Variants in MRM3 observed in about 807,000 individuals in gnomAD.
MRM3 encodes the protein rRNA methyltransferase 3, mitochondrial.
Under a neutral mutation model 29.4 loss-of-function variants are expected in MRM3, and 26 were observed. The observed-to-expected ratio is 0.89, with a 90% CI of 0.65 to 1.23. MRM3 has a LOEUF of 1.23. Ranked by LOEUF, MRM3 falls within the 50% of genes most tolerant of loss-of-function variation. The probability of loss-of-function intolerance (pLI) is 0.00; values close to 1 mark genes in which losing one functional copy is unlikely to be tolerated. For missense variants in MRM3, 578 were observed against 540.2 expected (o/e 1.07, Z -0.69); for synonymous variants, 225 against 219.0 (o/e 1.03, Z -0.24).
rs542816952 is a variant in MRM3 at position 791,733 on chromosome 17, T to G, written c.927T>G (p.Cys309Trp). 51 of 1,614,050 alleles carry G rather than the reference T, an allele frequency of 3.2e-5. No individual in the cohort carries two copies. The highest frequency in any genetic ancestry group is 3.7e-5 in the Non-Finnish European group (44 of 1,180,046). The change falls in exon 4 of 4, where the codon TGT becomes TGG. Residue 309 changes from cysteine to tryptophan, a missense_variant. Transcript: ENST00000304478. ...SNKASDHGWV[C>W]DQRVMKFHKY... ...AAGCTAGTGACCATGGCTGGGTGTG[T>G]GATCAACGAGTGATGAAGTTTCACA...
At chr17:783,049 G>T (rs1245235320) in intron 1 of MRM3, 34 bp from the exon 2 acceptor site, 11 of 1,531,174 alleles carry the variant, frequency 7.2e-6, no homozygotes, top group Non-Finnish European at 9.6e-6. Context: ...GATGTTGATA[G>T]TTACCTGTTT....
intron 3 of MRM3, 62 bp from the exon 4 acceptor site, chr17:791,472 T>A (rs895600503): frequency 6.5e-7 from 1 of 1,534,270 alleles, no homozygotes; most frequent in Non-Finnish European, 8.8e-7. Context: ...TCAGACTTAC[T>A]CCACAGTCCC....
intron 2 of MRM3, among the ~76,000 whole-genome samples, chr17:785,452 TA>T (rs1910490353): frequency 6.6e-6 from 1 of 152,318 alleles, no homozygotes; most frequent in South Asian, 2.1e-4. Context: ...GATCATTAAA[TA>T]AGGAGAGAAT....
At chr17:789,125 A>C (rs1331326297) in intron 3 of MRM3, among the ~76,000 whole-genome samples, 2 of 152,198 alleles carry the variant, frequency 1.3e-5, no homozygotes, top group South Asian at 4.1e-4. Context: ...ATACCCAGCC[A>C]TGTTTATTAT....
At position 787,608 on chromosome 17, in the gene MRM3, G is replaced by T. The variant is rs1349349842; in HGVS notation, c.560-357G>T. Among the ~76,000 whole-genome samples, 1 of 152,080 alleles carries T rather than the reference G, an allele frequency of 6.6e-6. No individual in the cohort carries two copies. Among genetic ancestry groups the T allele is most frequent in the Admixed American group, 6.5e-5 (1 of 15,276 alleles). Reference sequence around the variant, plus strand: ...GTGTCGCCCAGGCTGGAGTGCAGTGGCGTGATCTTGGCTCACCACAACCTC... The same window carrying T: ...GTGTCGCCCAGGCTGGAGTGCAGTGTCGTGATCTTGGCTCACCACAACCTC... On this transcript the variant is annotated intron_variant, in intron 2 of 3. Coordinates refer to ENST00000304478, the MANE Select transcript of MRM3 (RefSeq NM_018146.4). This position sits in a 1 kb window ranked among gnomAD's most constrained non-coding sequence, Gnocchi z 4.1.
chr17:784,998 TTTCA>T (rs1285449839), intron 2 of MRM3, among the ~76,000 whole-genome samples: 2 of 152,254 alleles, frequency 1.3e-5, no homozygotes, highest in Non-Finnish European at 2.9e-5. Flanking sequence ...ACAAGTACTA[TTTCA>T]TTCATCTCCT....
In MRM3 at chr17:791,611, C is replaced by G. The variant is rs144627268; in HGVS notation, c.805C>G (p.Leu269Val). The part of the protein sequence containing the change: ...AHFRMPIINN[L>V]EWETVPNYLP... ...TTTCCGGATGCCCATTATCAATAAT[C>G]TGGAATGGGAAACCGTGCCCAATTA... Residue 269 changes from leucine to valine, a missense_variant, in exon 4 of 4, where the codon CTG becomes GTG. Transcript: ENST00000304478. The G allele has an allele frequency of 2.3e-5, 37 of 1,614,112 alleles. No individual in the cohort carries two copies. Among genetic ancestry groups the G allele is most frequent in the Non-Finnish European group, 3.0e-5 (35 of 1,180,056 alleles).
rs866701497 is a variant in MRM3 at position 791,599 on chromosome 17, A to C, written c.793A>C (p.Ile265Leu). 16 of 1,614,078 alleles carry C rather than the reference A, an allele frequency of 9.9e-6. No individual in the cohort carries two copies. In the Middle Eastern group the frequency reaches 4.9e-4, roughly 50 times the overall value. ...TATGGGCGCACATTTCCGGATGCCCATTATCAATAATCTGGAATGGGAAAC... is the reference window on the plus strand; with the variant it reads ...TATGGGCGCACATTTCCGGATGCCCCTTATCAATAATCTGGAATGGGAAAC... ...AGMGAHFRMP[I>L]INNLEWETVP... is the part of the protein sequence containing the mutation. The change falls in exon 4 of 4, where the codon ATT becomes CTT. Residue 265 changes from isoleucine (I) to leucine (L), a missense_variant. Physicochemically the swap from Ile to Leu is conservative, Grantham distance 5. Coordinates refer to ENST00000304478, the MANE Select transcript of MRM3 (RefSeq NM_018146.4).
chr17:786,086 G>A (rs933312549), intron 2 of MRM3, among the ~76,000 whole-genome samples: 1 of 152,152 alleles, frequency 6.6e-6, no homozygotes, highest in East Asian at 1.9e-4. Context: ...GGTTTGAGCT[G>A]GAAAACAGGT....
chr17:785,006 A>G (rs1448068124), intron 2 of MRM3, among the ~76,000 whole-genome samples: 1 of 152,220 alleles, frequency 6.6e-6, no homozygotes. Context: ...TATTTCATTC[A>G]TCTCCTGACT....
Position 782,637 on chromosome 17 carries a change from T to C in MRM3, c.259T>C (p.Trp87Arg). 6.2e-7 allele frequency: 1 copy of C among 1,613,664 alleles called. No homozygotes were observed. Residue 87 changes from tryptophan (W) to arginine (R), a missense_variant, in exon 1 of 4, where the codon TGG (tryptophan) becomes CGG (arginine). Physicochemically the swap from Trp to Arg is moderately radical, Grantham distance 101 (BLOSUM62 -3). Transcript: ENST00000304478. The stretch of plus-strand genomic sequence containing the variant: ...GTCCGCATCCCGCGCTCCCAGCACC[T>C]GGGAAGAGTCTGGGCTTCGCTACGA... ...EESASRAPSTWEESGLRYDKA... is the reference protein window; with the variant it reads ...EESASRAPSTREESGLRYDKA...
rs1266617049 is a variant in MRM3 at position 788,009 on chromosome 17, A to G, written c.604A>G (p.Thr202Ala). Residue 202 changes from threonine (T) to alanine (A), a missense_variant, in exon 3 of 4, where the codon ACT (threonine) becomes GCT (alanine). By Grantham distance (58) the Thr-to-Ala change is moderately conservative. Transcript: ENST00000304478. Reference protein sequence around the residue: ...PDHVKMTYPKTQLQHSLPLLL... With the variant: ...PDHVKMTYPKAQLQHSLPLLL... ...CCATGTTAAGATGACATATCCAAAG[A>G]CTCAGCTTCAGCATTCACTGCCTTT... 2 of 1,613,952 alleles carry G rather than the reference A, an allele frequency of 1.2e-6. No individual in the cohort carries two copies. The highest frequency in any genetic ancestry group is 1.7e-6 in the Non-Finnish European group (2 of 1,180,028).
At position 782,531 on chromosome 17, in the gene MRM3, G is replaced by A. The variant is rs1436408670; in HGVS notation, c.153G>A (p.Lys51=). 1 of 1,613,650 alleles carries A rather than the reference G, an allele frequency of 6.2e-7. No individual in the cohort carries two copies. The highest frequency in any genetic ancestry group is 8.5e-7 in the Non-Finnish European group (1 of 1,179,594). ...VFPSGEVVEQ[K]RAPGKQPRKA... is the part of the protein sequence containing the mutation. ...CTTCCGGAGAGGTGGTGGAACAGAA[G>A]CGCGCTCCTGGGAAGCAGCCCCGCA... is the stretch of plus-strand genomic sequence containing the variant. Residue 51 remains lysine, a synonymous_variant, in exon 1 of 4, where the codon AAG becomes AAA. Coordinates refer to ENST00000304478, the MANE Select transcript of MRM3 (RefSeq NM_018146.4).
intron 3 of MRM3, among the ~76,000 whole-genome samples, chr17:788,452 G>T (rs950559699): frequency 6.7e-6 from 1 of 149,338 alleles, no homozygotes; most frequent in South Asian, 2.1e-4. Flanking sequence ...TAATAAACCA[G>T]GTGGATTAGT....
chr17:786,513 G>A (rs1308215807), intron 2 of MRM3, among the ~76,000 whole-genome samples: 1 of 152,018 alleles, frequency 6.6e-6, no homozygotes, highest in East Asian at 1.9e-4. Flanking sequence ...CTAACCTCAT[G>A]ATCCGCCCAC....
chr17:783,229 A>C lies in MRM3; in HGVS notation c.461A>C (p.Glu154Ala). 2.5e-6 allele frequency: 4 copies of C among 1,614,064 alleles called. No individual in the cohort carries two copies. The highest frequency in any genetic ancestry group is 8.5e-7 in the Non-Finnish European group (1 of 1,179,998). Residue 154 changes from glutamate (E) to alanine (A), a missense_variant, in exon 2 of 4, where the codon GAG becomes GCG. Transcript: ENST00000304478. ...FFFSRLEYLK[E>A]LPVDKLKGVS... ...TTTAGCCGTCTAGAATACCTAAAGGAGTTGCCAGTCGATAAGCTGAAAGGT... is the reference window on the plus strand; with the variant it reads ...TTTAGCCGTCTAGAATACCTAAAGGCGTTGCCAGTCGATAAGCTGAAAGGT...
intron 3 of MRM3, among the ~76,000 whole-genome samples, chr17:788,587 G>A (rs1567800296): frequency 1.3e-5 from 2 of 151,576 alleles, no homozygotes; most frequent in South Asian, 4.2e-4. Context: ...CAAAGTGCTG[G>A]AATTATAGGC....
Position 791,654 on chromosome 17 carries a change from G to A in MRM3, c.848G>A (p.Arg283Gln). 1 of 1,614,212 alleles carries A rather than the reference G, an allele frequency of 6.2e-7. No homozygotes were observed. Among genetic ancestry groups the A allele is most frequent in the Non-Finnish European group, 8.5e-7 (1 of 1,180,046 alleles). ...TVPNYLPPDTRVYVADNCGLY... is the reference protein window; with the variant it reads ...TVPNYLPPDTQVYVADNCGLY... Reference sequence around the variant, plus strand: ...CCCAATTACCTGCCCCCTGACACTCGGGTCTATGTGGCTGACAACTGTGGC... The same window carrying A: ...CCCAATTACCTGCCCCCTGACACTCAGGTCTATGTGGCTGACAACTGTGGC... The change falls in exon 4 of 4, where the codon CGG (arginine) becomes CAG (glutamine). Residue 283 changes from arginine (R) to glutamine (Q), a missense_variant. Transcript: ENST00000304478.
At chr17:785,502 A>G (rs1325719546) in intron 2 of MRM3, among the ~76,000 whole-genome samples, 1 of 152,204 alleles carries the variant, frequency 6.6e-6, no homozygotes, top group African/African-American at 2.4e-5. Context: ...TCATTTTCCC[A>G]GATAGTCCCA....
Sources: allele counts gnomAD v4.1 joint callset (sites outside exome capture counted in the v4.1 genomes callset), GRCh38; gene constraint gnomAD v4.1.1; non-coding constraint Gnocchi (gnomAD v3.1); transcripts MANE v1.5; gene names NCBI Gene and HGNC (gene_info 2026-07-23, HGNC 2026-07-21).